Variants in TRABD2B observed in about 807,000 individuals in gnomAD.
TRABD2B encodes metalloprotease TIKI2.
TRABD2B carries 14 observed loss-of-function variants against 40.1 expected under a neutral mutation model. That is an observed-to-expected ratio of 0.35 (90% CI 0.23 to 0.55). TRABD2B has a LOEUF of 0.55. Among genes scored for constraint, TRABD2B ranks in the 20% least tolerant of loss-of-function variants. The pLI, the probability that TRABD2B is intolerant of heterozygous loss-of-function variation, is 0.90. For synonymous variants in TRABD2B, 263 were observed against 277.0 expected, an observed-to-expected ratio of 0.95 and a Z score of 0.50; for missense variants, 541 against 648.6, an observed-to-expected ratio of 0.83 and a Z score of 1.80.
intron 2 of TRABD2B, among the ~76,000 whole-genome samples, chr1:47,828,748 T>C (rs778816000): frequency 1.2e-4 from 18 of 152,060 alleles, no homozygotes; most frequent in Non-Finnish European, 2.5e-4. Flanking sequence ...ATAGCAACAT[T>C]GGGTGAGCCT....
At chr1:47,853,524 C>T (rs1263873818) in intron 2 of TRABD2B, among the ~76,000 whole-genome samples, 25 of 152,152 alleles carry the variant, frequency 1.6e-4, no homozygotes, top group Non-Finnish European at 3.7e-4. Context: ...AACCTTTCCA[C>T]ATATTTCAGA....
At chr1:47,863,394 A>ATATATATAT (rs1396681662) in intron 2 of TRABD2B, among the ~76,000 whole-genome samples, 16 of 130,710 alleles carry the variant, frequency 1.2e-4, no homozygotes, top group East Asian at 2.4e-4. Context: ...ATATATATAT[A>ATATATATAT]ATCTCTTAAA....
intron 2 of TRABD2B, among the ~76,000 whole-genome samples, chr1:47,805,491 C>A (rs566659791): frequency 6.6e-6 from 1 of 152,140 alleles, no homozygotes; most frequent in South Asian, 2.1e-4. Context: ...AGACCCCTGT[C>A]CTTCTTTTTC....
intron 2 of TRABD2B, among the ~76,000 whole-genome samples, chr1:47,820,462 C>T (rs1645090497): frequency 6.6e-6 from 1 of 152,160 alleles, no homozygotes; most frequent in Non-Finnish European, 1.5e-5. Flanking sequence ...TTTAGACAGA[C>T]CGTGGGATAT....
rs1184217829 is a variant in TRABD2B at position 47,760,651 on chromosome 1, A to T, written c.*5251T>A. On this transcript the variant is annotated 3_prime_UTR_variant, in exon 7 of 7. Transcript: ENST00000606738. Reference sequence around the variant, plus strand: ...TAAAGGACTCTTCATGATAATTCACAGAGGTGAGGGGCAGAGGTGATAAGA... The same window carrying T: ...TAAAGGACTCTTCATGATAATTCACTGAGGTGAGGGGCAGAGGTGATAAGA... The T allele has an allele frequency of 6.6e-6, 1 of 152,242 alleles. No individual in the cohort carries two copies. The highest frequency in any genetic ancestry group is 2.4e-5 in the African/African-American group (1 of 41,462). 9.4% of individuals were successfully genotyped at this position (152,242 alleles called of 1,614,324 possible). A position where few individuals can be genotyped will look rare whatever the true frequency, so the allele number is the denominator to read the frequency against.
chr1:47,912,270 T>C (rs560106082), intron 2 of TRABD2B, among the ~76,000 whole-genome samples: 1 of 152,358 alleles, frequency 6.6e-6, no homozygotes, highest in East Asian at 1.9e-4. Flanking sequence ...TAATTTGTAT[T>C]TCTTTTTCTA....
chr1:47,902,007 C>T (rs1220643483), intron 2 of TRABD2B, among the ~76,000 whole-genome samples: 1 of 152,180 alleles, frequency 6.6e-6, no homozygotes, highest in East Asian at 1.9e-4. Context: ...GATCCCTCCA[C>T]CCACTCTTCT....
At chr1:47,987,192 A>C (rs1645931501) in intron 2 of TRABD2B, among the ~76,000 whole-genome samples, 1 of 151,928 alleles carries the variant, frequency 6.6e-6, no homozygotes, top group Non-Finnish European at 1.5e-5. Context: ...GGGATTGGAG[A>C]GCGGGTTGGG....
chr1:47,913,640 C>T (rs528965941), intron 2 of TRABD2B, among the ~76,000 whole-genome samples: 40 of 152,304 alleles, frequency 2.6e-4, no homozygotes, highest in African/African-American at 8.7e-4. Context: ...GAATACGAAC[C>T]GCTATGAAAG....
At chr1:47,795,069 C>T (rs1644730434) in intron 3 of TRABD2B, among the ~76,000 whole-genome samples, 2 of 152,220 alleles carry the variant, frequency 1.3e-5, no homozygotes, top group African/African-American at 4.8e-5. Context: ...CTGCGCATGA[C>T]CTGCTGTCAG....
At chr1:47,919,138 C>CT (rs1644867995) in intron 2 of TRABD2B, among the ~76,000 whole-genome samples, 1 of 152,162 alleles carries the variant, frequency 6.6e-6, no homozygotes, top group African/African-American at 2.4e-5. Context: ...AGGCAGAGTG[C>CT]TCTGTGCTTG....
chr1:47,957,002 C>T (rs1424789363), intron 2 of TRABD2B, among the ~76,000 whole-genome samples: 2 of 152,208 alleles, frequency 1.3e-5, no homozygotes, highest in African/African-American at 4.8e-5. Flanking sequence ...CCCTCTGAGA[C>T]AAAGCTTCCA....
intron 2 of TRABD2B, among the ~76,000 whole-genome samples, chr1:47,977,561 G>A (rs1336870196): frequency 1.3e-5 from 2 of 151,950 alleles, no homozygotes; most frequent in Non-Finnish European, 2.9e-5. Context: ...CGTGAAGACT[G>A]AGGCACTCAG....
At chr1:47,933,944 T>C (rs1645072594) in intron 2 of TRABD2B, among the ~76,000 whole-genome samples, 1 of 152,224 alleles carries the variant, frequency 6.6e-6, no homozygotes, top group African/African-American at 2.4e-5. Flanking sequence ...ACTGAGAAAC[T>C]GAATTTTTAA....
chr1:47,950,201 T>G (rs772788416), intron 2 of TRABD2B, among the ~76,000 whole-genome samples: 4 of 151,784 alleles, frequency 2.6e-5, no homozygotes, highest in Non-Finnish European at 5.9e-5. Context: ...AGGAGAATGG[T>G]GTGAACCTGG....
intron 2 of TRABD2B, among the ~76,000 whole-genome samples, chr1:47,972,940 C>T (rs759988186): frequency 3.3e-5 from 5 of 150,914 alleles, no homozygotes; most frequent in Non-Finnish European, 5.9e-5. Flanking sequence ...GGGGACTGTA[C>T]GTGCATGGTT....
chr1:47,900,602 T>G (rs1436374376), intron 2 of TRABD2B, among the ~76,000 whole-genome samples: 1 of 152,046 alleles, frequency 6.6e-6, no homozygotes, highest in Non-Finnish European at 1.5e-5. Flanking sequence ...CCCCCACCCC[T>G]CCATAGAGCA....
intron 2 of TRABD2B, among the ~76,000 whole-genome samples, chr1:47,954,742 G>A (rs891844418): frequency 2.0e-5 from 3 of 152,128 alleles, no homozygotes; most frequent in African/African-American, 7.2e-5. Context: ...AGCTCTCAGC[G>A]GCTGGCACAG....
At chr1:47,869,476 G>A (rs1644110013) in intron 2 of TRABD2B, among the ~76,000 whole-genome samples, 1 of 152,120 alleles carries the variant, frequency 6.6e-6, no homozygotes, top group African/African-American at 2.4e-5. Context: ...AAAAGAAGAT[G>A]ATGCTGTGAT....
Sources: gnomAD v4.1 joint callset for allele counts (sites outside exome capture counted in the v4.1 genomes callset) on GRCh38, gnomAD v4.1.1 for gene constraint, MANE v1.5 for transcripts, NCBI Gene and HGNC (gene_info 2026-07-23, HGNC 2026-07-21) for gene names.